RANBP2: variants seen among roughly 807,000 people sequenced by gnomAD.
RANBP2 encodes RAN binding protein 2.
RANBP2 carries 57 observed loss-of-function variants against 303.6 expected under a neutral mutation model. The ratio of observed to expected loss-of-function variants is 0.19; its 90% CI spans 0.15 to 0.23. The LOEUF is 0.23. Among genes scored for constraint, RANBP2 ranks in the 10% least tolerant of loss-of-function variants. The pLI, the probability that RANBP2 is intolerant of heterozygous loss-of-function variation, is 1.00. For synonymous variants in RANBP2, 1,167 were observed against 1,301.5 expected, an observed-to-expected ratio of 0.90 and a Z score of 2.23; for missense variants, 3,138 against 3,780.8, an observed-to-expected ratio of 0.83 and a Z score of 4.46.
chr2:109,799,339 T>G, the RANBP2 span, among the ~76,000 whole-genome samples: 1 of 59,600 alleles, frequency 1.7e-5, no homozygotes, highest in Non-Finnish European at 2.9e-5. Flanking sequence ...TAGTTCTTTT[T>G]TTTTTTTGAG....
the RANBP2 span, among the ~76,000 whole-genome samples, chr2:109,325,017 C>T: frequency 6.6e-6 from 1 of 150,482 alleles, no homozygotes; most frequent in African/African-American, 2.4e-5. Flanking sequence ...CTTTGGCTTG[C>T]GTAAGAGATG....
At chr2:108,985,585 G>A in the RANBP2 span, among the ~76,000 whole-genome samples, 1 of 152,214 alleles carries the variant, frequency 6.6e-6, no homozygotes, top group African/African-American at 2.4e-5. Flanking sequence ...TTTCCAGAGT[G>A]TGTCTGGGCA....
chr2:108,870,540 C>T, the RANBP2 span, among the ~76,000 whole-genome samples: 103 of 152,124 alleles, frequency 6.8e-4, no homozygotes, highest in Admixed American at 1.4e-3. Context: ...ACCCAGAGTC[C>T]GACATCAAGA....
At chr2:108,859,942 T>C in the RANBP2 span, among the ~76,000 whole-genome samples, 3 of 152,188 alleles carry the variant, frequency 2.0e-5, no homozygotes, top group African/African-American at 7.2e-5. Context: ...GAGCATGGAA[T>C]GTTTTTCCAT....
the RANBP2 span, among the ~76,000 whole-genome samples, chr2:108,799,834 G>A: frequency 5.3e-4 from 81 of 151,876 alleles, no homozygotes; most frequent in Admixed American, 9.2e-4. Context: ...GTGTTCTTCA[G>A]ATAGTTTCTT....
At chr2:108,759,601 T>C (rs1386477189) in intron 18 of RANBP2, among the ~76,000 whole-genome samples, 1 of 152,208 alleles carries the variant, frequency 6.6e-6, no homozygotes, top group Non-Finnish European at 1.5e-5. Context: ...CCTTTTGTGA[T>C]AGTATCTTCT....
chr2:109,441,607 A>G, the RANBP2 span, among the ~76,000 whole-genome samples: 26 of 152,380 alleles, frequency 1.7e-4, 1 homozygote, highest in Admixed American at 5.2e-4. Flanking sequence ...AATGTAGAGG[A>G]GAGAGGTAGG....
the RANBP2 span, among the ~76,000 whole-genome samples, chr2:109,369,020 A>G: frequency 6.6e-6 from 1 of 151,652 alleles, no homozygotes; most frequent in Non-Finnish European, 1.5e-5. Context: ...CCAGGGCCCC[A>G]CTCTAGTGTC....
chr2:109,501,426 C>G, the RANBP2 span: 1 of 646,412 alleles, frequency 1.5e-6, no homozygotes, highest in South Asian at 1.8e-5. Flanking sequence ...TAATTTACAC[C>G]GAGGGAAGAA....
the RANBP2 span, among the ~76,000 whole-genome samples, chr2:108,805,453 C>T: frequency 6.6e-6 from 1 of 152,022 alleles, no homozygotes. Context: ...AGGCCAGGCG[C>T]GGTGGCTCAC....
the RANBP2 span, among the ~76,000 whole-genome samples, chr2:109,015,553 T>G: frequency 6.6e-6 from 1 of 151,768 alleles, no homozygotes; most frequent in Admixed American, 6.6e-5. Flanking sequence ...AGGCCAGGAG[T>G]TCGAGACCAG....
the RANBP2 span, among the ~76,000 whole-genome samples, chr2:108,815,235 A>G: frequency 6.6e-6 from 1 of 152,100 alleles, no homozygotes; most frequent in South Asian, 2.1e-4. Context: ...TAGCTCTGGA[A>G]ACCATTAATT....
chr2:109,748,872 CAATAAATAAATAAATA>C, the RANBP2 span, among the ~76,000 whole-genome samples: 1 of 45,018 alleles, frequency 2.2e-5, no homozygotes, highest in African/African-American at 5.3e-5. Context: ...GACTCCATCT[CAATAAATAAATAAATA>C]AATAAATAAA....
chr2:109,486,490 T>TA, the RANBP2 span, among the ~76,000 whole-genome samples: 59 of 152,364 alleles, frequency 3.9e-4, no homozygotes, highest in African/African-American at 1.3e-3. Flanking sequence ...AACTATTTAA[T>TA]ATTCAGAGAT....
chr2:109,143,986 G>A, the RANBP2 span, among the ~76,000 whole-genome samples: 1 of 152,126 alleles, frequency 6.6e-6, no homozygotes, highest in Non-Finnish European at 1.5e-5. Flanking sequence ...ATTCATATCC[G>A]GAATCTAAAA....
chr2:109,182,258 G>A, the RANBP2 span, among the ~76,000 whole-genome samples: 54 of 152,194 alleles, frequency 3.5e-4, no homozygotes, highest in African/African-American at 1.2e-3. Context: ...GTCATCCCAT[G>A]GCAGAAGGCA....
At chr2:109,173,743 A>G in the RANBP2 span, among the ~76,000 whole-genome samples, 1 of 152,214 alleles carries the variant, frequency 6.6e-6, no homozygotes, top group Non-Finnish European at 1.5e-5. Context: ...TAGGGGGACC[A>G]GGGACTGTGG....
chr2:109,429,839 G>A, the RANBP2 span, among the ~76,000 whole-genome samples: 5 of 152,214 alleles, frequency 3.3e-5, no homozygotes, highest in Admixed American at 6.5e-5. Context: ...AGCCCTGCTA[G>A]GGGTTCCATG....
chr2:109,427,617 A>G, the RANBP2 span, among the ~76,000 whole-genome samples: 7 of 152,156 alleles, frequency 4.6e-5, no homozygotes, highest in Non-Finnish European at 8.8e-5. Flanking sequence ...CCCCACACAC[A>G]AGTGTCAAAG....
Sources: allele counts gnomAD v4.1 joint callset (sites outside exome capture counted in the v4.1 genomes callset), GRCh38; gene constraint gnomAD v4.1.1; transcripts MANE v1.5; gene names NCBI Gene and HGNC (gene_info 2026-07-23, HGNC 2026-07-21).